SPOCK2: variants seen among roughly 807,000 people sequenced by gnomAD.
The protein encoded by SPOCK2 is SPARC (osteonectin), cwcv and kazal like domains proteoglycan 2.
A neutral mutation model predicts 60.1 loss-of-function variants in SPOCK2; 39 were observed. That is an observed-to-expected ratio of 0.65 (90% CI 0.50 to 0.85). The LOEUF (loss-of-function observed/expected upper bound fraction) is 0.85, where lower values mean the gene tolerates loss of function less well. Ranked by LOEUF, SPOCK2 falls within the 40% of genes least tolerant of loss-of-function variation. The pLI, the probability that SPOCK2 is intolerant of heterozygous loss-of-function variation, is 0.00. For missense variants in SPOCK2, 523 were observed against 567.4 expected (o/e 0.92, Z 0.80); for synonymous variants, 217 against 231.5 (o/e 0.94, Z 0.57).
chr10:72,078,490 G>A (rs544826008), intron 1 of SPOCK2, among the ~76,000 whole-genome samples: 1 of 151,700 alleles, frequency 6.6e-6, no homozygotes, highest in East Asian at 1.9e-4. Context: ...CAGCCTGGGC[G>A]ACAGAGTGAG....
intron 1 of SPOCK2, among the ~76,000 whole-genome samples, chr10:72,079,123 C>T (rs544813617): frequency 3.7e-4 from 56 of 152,304 alleles, no homozygotes; most frequent in African/African-American, 1.3e-3. Flanking sequence ...AAAATTGAGG[C>T]TCAGAGAGGT....
At position 72,068,207 on chromosome 10, in the gene SPOCK2, G is replaced by A; in HGVS notation, c.569C>T (p.Ser190Phe). The A allele has an allele frequency of 1.2e-6, 2 of 1,607,858 alleles. No homozygotes were observed. The highest frequency in any genetic ancestry group is 1.7e-6 in the Non-Finnish European group (2 of 1,176,790). The change falls in exon 6 of 11, where the codon TCC becomes TTC. Residue 190 changes from serine (S) to phenylalanine (F), a missense_variant. Coordinates refer to ENST00000373109, the MANE Select transcript of SPOCK2 (RefSeq NM_001244950.2). ...CPCPTEQAAT[S>F]TADGKPETCT... is the part of the protein sequence containing the mutation. ...CTCACCTGGTTTGCCATCGGCGGTG[G>A]AGGTGGCAGCCTGCTCCGTGGGGCA...
In SPOCK2 at chr10:72,070,227, G is replaced by A. The variant is rs374390850; in HGVS notation, c.474+85C>T. 2.2e-4 allele frequency: 302 copies of A among 1,364,290 alleles called. 1 individual carries two copies. The African/African-American group carries it at 3.4e-3, about 15-fold the overall frequency. The allele number at this position is 1,364,290 out of a possible 1,614,324, so 84.5% of individuals were successfully genotyped here. A position where few individuals can be genotyped will look rare whatever the true frequency, so the allele number is the denominator to read the frequency against. ...CCACCTCAGTCCTGGAAACCCCTCC[G>A]GAGGCCCCAGCTGGGTCATCCTTTC... On this transcript the variant is annotated intron_variant, in intron 5 of 10. Coordinates refer to ENST00000373109, the MANE Select transcript of SPOCK2 (RefSeq NM_001244950.2).
In SPOCK2 at chr10:72,087,225, C is replaced by T. The variant is rs1438616460; in HGVS notation, c.189+915G>A. 1.3e-5 allele frequency among the ~76,000 whole-genome samples: 2 copies of T among 152,082 alleles called. No individual in the cohort carries two copies. The highest frequency in any genetic ancestry group is 2.4e-5 in the African/African-American group (1 of 41,410). On this transcript the variant is annotated intron_variant, in intron 1 of 10. Transcript: ENST00000373109. This position sits in a 1 kb window ranked among gnomAD's most constrained non-coding sequence, Gnocchi z 4.7. ...GCCGAGAGGAAGGAGCCAGCCCCGC[C>T]GGGCCGCCGCCTGCGACTTCCCCTC...
intron 1 of SPOCK2, chr10:72,086,969 A>G (rs1840866175): frequency 1.9e-6 from 3 of 1,551,642 alleles, no homozygotes; most frequent in Non-Finnish European, 2.6e-6. Context: ...CCTGCGTTGT[A>G]CTGGGTGGGT....
intron 4 of SPOCK2, among the ~76,000 whole-genome samples, chr10:72,071,782 G>C (rs1840649841): frequency 6.6e-6 from 1 of 152,050 alleles, no homozygotes; most frequent in South Asian, 2.1e-4. Context: ...CATGTTGTGA[G>C]GACACTCAAG....
chr10:72,067,187 C>T, intron 7 of SPOCK2, 67 bp from the exon 8 acceptor site: 1 of 1,466,544 alleles, frequency 6.8e-7, no homozygotes, highest in South Asian at 1.3e-5. Context: ...CCCTCCATCT[C>T]TCCGCCTCGC....
At chr10:72,073,055 T>G in intron 1 of SPOCK2, 145 bp from the exon 2 acceptor site, 1 of 1,139,894 alleles carries the variant, frequency 8.8e-7, no homozygotes, top group East Asian at 2.6e-5. Context: ...TCGATGGCTG[T>G]GTTCCTCTGA....
In SPOCK2 at chr10:72,059,104, G is replaced by C. The variant is rs982072255; in HGVS notation, c.*3656C>G. 2.6e-5 allele frequency: 4 copies of C among 152,616 alleles called. No homozygotes were observed. Among genetic ancestry groups the C allele is most frequent in the African/African-American group, 7.2e-5 (3 of 41,402 alleles). 9.5% of individuals were successfully genotyped at this position (152,616 alleles called of 1,614,324 possible). On this transcript the variant is annotated 3_prime_UTR_variant, in exon 11 of 11. Transcript: ENST00000373109. ...TTGATTTCCTTTATGCATGTGTGGA[G>C]TGTACTTGTTTCCTTAGGCTGAGTA...
At chr10:72,085,458 A>C (rs968873783) in intron 1 of SPOCK2, among the ~76,000 whole-genome samples, 3 of 152,150 alleles carry the variant, frequency 2.0e-5, no homozygotes, top group African/African-American at 7.2e-5. Context: ...CTCCCTCTCA[A>C]CCAGCTCTGG....
At chr10:72,072,090 C>T (rs1840654015) in intron 4 of SPOCK2, 54 bp downstream of exon 4, 2 of 1,382,376 alleles carry the variant, frequency 1.4e-6, no homozygotes, top group Non-Finnish European at 1.9e-6. Context: ...TCAGTTGAGC[C>T]CTTGCTCTTT....
At chr10:72,082,690 C>A (rs905280458) in intron 1 of SPOCK2, among the ~76,000 whole-genome samples, 1 of 151,366 alleles carries the variant, frequency 6.6e-6, no homozygotes, top group Non-Finnish European at 1.5e-5. Context: ...CCCCTGTCTA[C>A]AAAAAATACA....
chr10:72,064,331 G>A lies in SPOCK2; in HGVS notation c.929-91C>T, dbSNP rs533068810. 152 of 1,356,052 alleles carry A rather than the reference G, an allele frequency of 1.1e-4. 1 individual carries two copies. In the Middle Eastern group the frequency reaches 1.4e-3, roughly 12 times the overall value. 84.0% of individuals were successfully genotyped at this position (1,356,052 alleles called of 1,614,324 possible). ...TCAAGGCTTAGAGACCCAGGCAGGG[G>A]CTCTGCAAGATGAAAACACCCCGTT... On this transcript the variant is annotated intron_variant, in intron 8 of 10. Transcript: ENST00000373109.
At chr10:72,078,782 A>G (rs890744859) in intron 1 of SPOCK2, among the ~76,000 whole-genome samples, 8 of 152,122 alleles carry the variant, frequency 5.3e-5, no homozygotes, top group Non-Finnish European at 7.4e-5. Context: ...CAGCTCAGCC[A>G]TCATCTTCCC....
At chr10:72,078,344 T>C (rs1840742261) in intron 1 of SPOCK2, among the ~76,000 whole-genome samples, 1 of 151,802 alleles carries the variant, frequency 6.6e-6, no homozygotes, top group South Asian at 2.1e-4. Context: ...AAACCCCATC[T>C]CTACTAAAAA....
At chr10:72,088,086 C>T in intron 1 of SPOCK2, 54 bp downstream of exon 1, 1 of 1,596,438 alleles carries the variant, frequency 6.3e-7, no homozygotes, top group Non-Finnish European at 8.5e-7. Context: ...CCCCGGAGCT[C>T]AATCCCCGAA....
At position 72,062,926 on chromosome 10, in the gene SPOCK2, C is replaced by G; in HGVS notation, c.1130-21G>C. ...GTCATCTGTGAGGGGATCAAGCCAACAGGGGGTGAGGGAGCTTCTGGCACG... is the reference window on the plus strand; with the variant it reads ...GTCATCTGTGAGGGGATCAAGCCAAGAGGGGGTGAGGGAGCTTCTGGCACG... On this transcript the variant is annotated intron_variant, in intron 10 of 10. Coordinates refer to ENST00000373109, the MANE Select transcript of SPOCK2 (RefSeq NM_001244950.2). This position sits in a 1 kb window ranked among gnomAD's most constrained non-coding sequence, Gnocchi z 4.3. The G allele has an allele frequency of 1.3e-6, 2 of 1,596,080 alleles. No homozygotes were observed. Among genetic ancestry groups the G allele is most frequent in the Non-Finnish European group, 1.7e-6 (2 of 1,174,022 alleles).
chr10:72,083,189 A>T (rs1840809618), intron 1 of SPOCK2, among the ~76,000 whole-genome samples: 1 of 152,214 alleles, frequency 6.6e-6, no homozygotes, highest in South Asian at 2.1e-4. Flanking sequence ...ATCTGGTCAC[A>T]GGTACTTTCT....
intron 2 of SPOCK2, 137 bp from the exon 3 acceptor site, chr10:72,072,685 C>G: frequency 7.3e-7 from 1 of 1,376,000 alleles, no homozygotes. Flanking sequence ...TGACCCCTGT[C>G]CACCCAGGCC....
Sources: gnomAD v4.1 joint callset for allele counts (sites outside exome capture counted in the v4.1 genomes callset) on GRCh38, gnomAD v4.1.1 for gene constraint, Gnocchi (gnomAD v3.1) non-coding constraint, MANE v1.5 for transcripts, NCBI Gene and HGNC (gene_info 2026-07-23, HGNC 2026-07-21) for gene names.